TPRG1: variants seen among roughly 807,000 people sequenced by gnomAD.
The protein encoded by TPRG1 is tumor protein p63 regulated 1.
Under a neutral mutation model 29.3 loss-of-function variants are expected in TPRG1, and 29 were observed. The ratio of observed to expected loss-of-function variants is 0.99; its 90% CI spans 0.74 to 1.35. The LOEUF is 1.35. Among genes scored for constraint, TPRG1 ranks in the 40% most tolerant of loss-of-function variants. The probability of loss-of-function intolerance (pLI) is 0.00; values close to 1 mark genes in which losing one functional copy is unlikely to be tolerated. For synonymous variants in TPRG1, 130 were observed against 116.8 expected (o/e 1.11, Z -0.73); for missense variants, 327 against 335.0 (o/e 0.98, Z 0.19).
intron 1 of TPRG1, among the ~76,000 whole-genome samples, chr3:189,118,498 T>C (rs1273313103): frequency 6.6e-6 from 1 of 152,070 alleles, no homozygotes; most frequent in Non-Finnish European, 1.5e-5. Flanking sequence ...GGAAAATGTC[T>C]CCAGGGCTTG....
At chr3:189,078,472 A>G (rs982094026) in intron 4 of TPRG1, among the ~76,000 whole-genome samples, 8 of 152,080 alleles carry the variant, frequency 5.3e-5, no homozygotes, top group Non-Finnish European at 1.2e-4. Context: ...TTCTATAGTT[A>G]AAATGTCCTG....
rs542649077 is a variant in TPRG1 at position 189,121,949 on chromosome 3, G to A, written c.-743-5108G>A. ...TTGTAATTGCCTTTGAGAGAAAGCA[G>A]TGTTTTTATATGTCTAATTTTCTTT... is the stretch of plus-strand genomic sequence containing the variant. On this transcript the variant is annotated intron_variant, in intron 1 of 6. Transcript: ENST00000412373. 2.6e-5 allele frequency: 4 copies of A among 152,130 alleles called. No homozygotes were observed. In the South Asian group the frequency reaches 8.3e-4, roughly 32 times the overall value. The allele number at this position is 152,130 out of a possible 1,614,324, so 9.4% of individuals were successfully genotyped here. A position where few individuals can be genotyped will look rare whatever the true frequency, so the allele number is the denominator to read the frequency against.
At chr3:189,312,195 T>G in intron 5 of TPRG1, among the ~76,000 whole-genome samples, 1 of 95,526 alleles carries the variant, frequency 1.0e-5, no homozygotes, top group East Asian at 2.1e-4. Context: ...TTTTCTTTCT[T>G]TCTTTCTTTC....
chr3:189,050,700 C>T (rs907209182), intron 4 of TPRG1, among the ~76,000 whole-genome samples: 3 of 152,010 alleles, frequency 2.0e-5, no homozygotes, highest in South Asian at 2.1e-4. Flanking sequence ...ACTAGCTAAC[C>T]GAATCCAACA....
At position 189,021,291 on chromosome 3, in the gene TPRG1, T is replaced by C. The variant is rs1050640833; in HGVS notation, c.-659-2459T>C. Among the ~76,000 whole-genome samples the C allele has an allele frequency of 3.1e-4, 47 of 151,776 alleles. 3 individuals are homozygous for C. The highest frequency in any genetic ancestry group is 7.7e-4 in the African/African-American group (32 of 41,390). On this transcript the variant is annotated intron_variant, in intron 3 of 10. Transcript: ENST00000433971. ...CTGTCATTATGATGTTAGCTGGTTA[T>C]TTTGCTCGTTAGTTGATGCAGTTTC...
intron 4 of TPRG1, among the ~76,000 whole-genome samples, chr3:189,090,663 G>C (rs1323768505): frequency 6.6e-6 from 1 of 151,796 alleles, no homozygotes; most frequent in Non-Finnish European, 1.5e-5. Context: ...TTTTCCCCTT[G>C]AGTTCTGCCT....
chr3:189,106,151 A>C (rs1371361525), intron 1 of TPRG1, among the ~76,000 whole-genome samples: 1 of 152,176 alleles, frequency 6.6e-6, no homozygotes, highest in African/African-American at 2.4e-5. Context: ...GATATTCACA[A>C]TTGTTTTGGT....
chr3:189,013,987 C>G lies in TPRG1; in HGVS notation c.-660+9227C>G, dbSNP rs1051506844. The stretch of plus-strand genomic sequence containing the variant: ...CCACTCTGTCTTTTCATTGGGGGCC[C>G]ATGTCGTCTTCTTACATTTAAGGTT... On this transcript the variant is annotated intron_variant, in intron 3 of 10. Transcript: ENST00000433971. Among the ~76,000 whole-genome samples, 49 of 152,190 alleles carry G rather than the reference C, an allele frequency of 3.2e-4. 3 individuals carry two copies. The highest frequency in any genetic ancestry group is 7.7e-4 in the African/African-American group (32 of 41,518).
intron 1 of TPRG1, among the ~76,000 whole-genome samples, chr3:189,205,398 A>G (rs144858781): frequency 1.1e-3 from 168 of 152,336 alleles, no homozygotes; most frequent in African/African-American, 3.0e-3. Context: ...TGTCCAGTTC[A>G]CTCCTATCAT....
chr3:189,089,263 A>C (rs1454477131), intron 4 of TPRG1, among the ~76,000 whole-genome samples: 1 of 152,178 alleles, frequency 6.6e-6, no homozygotes, highest in African/African-American at 2.4e-5. Context: ...TTTAACAGAA[A>C]TACTCTGATT....
rs186770322 is a variant in TPRG1, at chr3:189,302,043, C to T, written c.480-8343C>T. Among the ~76,000 whole-genome samples the T allele has an allele frequency of 2.3e-3, 349 of 152,272 alleles. 1 individual carries two copies. The highest frequency in any genetic ancestry group is 3.5e-3 in the Non-Finnish European group (239 of 68,028). ...GTCACCACAAATATACAAATTATGG[C>T]ACATAGCACACATACAATTTTTCTT... is the stretch of plus-strand genomic sequence containing the variant. On this transcript the variant is annotated intron_variant, in intron 4 of 5. Coordinates refer to ENST00000345063, the MANE Select transcript of TPRG1 (RefSeq NM_198485.4).
At chr3:189,063,362 A>G (rs1036159335) in intron 4 of TPRG1, among the ~76,000 whole-genome samples, 1 of 152,152 alleles carries the variant, frequency 6.6e-6, no homozygotes, top group Admixed American at 6.6e-5. Context: ...GAACTCCTAG[A>G]CAGTAAATCA....
intron 1 of TPRG1, among the ~76,000 whole-genome samples, chr3:189,111,723 AAAATC>A (rs1720551973): frequency 6.6e-6 from 1 of 152,178 alleles, no homozygotes; most frequent in South Asian, 2.1e-4. Flanking sequence ...TACCTTTGCT[AAAATC>A]ACTTATTAGT....
At chr3:189,063,892 T>G (rs1578270495) in intron 4 of TPRG1, among the ~76,000 whole-genome samples, 1 of 152,142 alleles carries the variant, frequency 6.6e-6, no homozygotes, top group Non-Finnish European at 1.5e-5. Flanking sequence ...ATTATACTCA[T>G]GATTGTGGTT....
chr3:189,281,079 C>T (rs1414700682), intron 4 of TPRG1, among the ~76,000 whole-genome samples: 1 of 152,162 alleles, frequency 6.6e-6, no homozygotes, highest in African/African-American at 2.4e-5. Context: ...TGCCATCAAC[C>T]AAATGCTGTT....
intron 3 of TPRG1, among the ~76,000 whole-genome samples, chr3:189,144,334 A>G (rs1448674759): frequency 1.3e-5 from 2 of 152,158 alleles, no homozygotes; most frequent in African/African-American, 4.8e-5. Flanking sequence ...ATTTCAAGGT[A>G]TTTTTAACCT....
intron 1 of TPRG1, among the ~76,000 whole-genome samples, chr3:189,174,222 T>G (rs1442888692): frequency 6.6e-6 from 1 of 152,228 alleles, no homozygotes; most frequent in Non-Finnish European, 1.5e-5. Flanking sequence ...GAATCCAGCA[T>G]GCAGATGTGC....
intron 4 of TPRG1, among the ~76,000 whole-genome samples, chr3:189,050,084 GAGA>G (rs1715220391): frequency 6.6e-6 from 1 of 152,058 alleles, no homozygotes; most frequent in Non-Finnish European, 1.5e-5. Context: ...ACCAAGGTCA[GAGA>G]AGAACTAAAT....
intron 1 of TPRG1, among the ~76,000 whole-genome samples, chr3:189,187,569 G>A (rs766585833): frequency 6.8e-6 from 1 of 146,690 alleles, no homozygotes; most frequent in Non-Finnish European, 1.5e-5. Flanking sequence ...CACCTGCCTC[G>A]GCCTCCCAAA....
Sources: allele counts gnomAD v4.1 joint callset (sites outside exome capture counted in the v4.1 genomes callset), GRCh38; gene constraint gnomAD v4.1.1; transcripts MANE v1.5; gene names NCBI Gene and HGNC (gene_info 2026-07-23, HGNC 2026-07-21).